SLC44A2: variants seen among roughly 807,000 people sequenced by gnomAD.
The protein encoded by SLC44A2 is choline transporter-like protein 2.
SLC44A2 carries 57 observed loss-of-function variants against 90.8 expected under a neutral mutation model. The ratio of observed to expected loss-of-function variants is 0.63; its 90% confidence interval spans 0.51 to 0.78. The LOEUF (loss-of-function observed/expected upper bound fraction) is 0.78, where lower values mean the gene tolerates loss of function less well. SLC44A2 is among the 30% of genes least tolerant of loss of function. SLC44A2 has a pLI of 0.00. For synonymous variants in SLC44A2, 355 were observed against 360.7 expected (o/e 0.98, Z 0.18); for missense variants, 794 against 919.7 (o/e 0.86, Z 1.77).
At position 10,631,157 on chromosome 19, in the gene SLC44A2, C is replaced by A; in HGVS notation, c.330+16C>A. ...CACTCCCCAGGTAACCTGGTCCCCA[C>A]CGTTCCCTTTTTCCTCTCCCCGCTT... On this transcript the variant is annotated intron_variant, in intron 5 of 21. Transcript: ENST00000335757. 6.2e-7 allele frequency: 1 copy of A among 1,612,066 alleles called. No individual in the cohort carries two copies. Among genetic ancestry groups the A allele is most frequent in the Middle Eastern group, 1.7e-4 (1 of 6,056 alleles).
intron 4 of SLC44A2, among the ~76,000 whole-genome samples, chr19:10,628,812 A>C (rs1276055173): frequency 6.6e-6 from 1 of 152,120 alleles, no homozygotes; most frequent in Non-Finnish European, 1.5e-5. Flanking sequence ...CAGGTGTCTC[A>C]ATCTCTCTGA....
intron 1 of SLC44A2, among the ~76,000 whole-genome samples, chr19:10,615,519 A>G (rs1177394288): frequency 6.6e-6 from 1 of 151,752 alleles, no homozygotes. Context: ...AGTTGCCGTG[A>G]GCCGAGATCA....
chr19:10,612,393 G>A (rs1324151221), intron 1 of SLC44A2, among the ~76,000 whole-genome samples: 1 of 152,034 alleles, frequency 6.6e-6, no homozygotes, highest in Non-Finnish European at 1.5e-5. Flanking sequence ...ATAAAAAAAG[G>A]TTAAATGTTT....
intron 20 of SLC44A2, among the ~76,000 whole-genome samples, chr19:10,639,135 T>C (rs1429346302): frequency 6.6e-6 from 1 of 152,132 alleles, no homozygotes; most frequent in Non-Finnish European, 1.5e-5. Context: ...GGTTTCACCG[T>C]GTTGGCTGGG....
chr19:10,635,652 G>T (rs572681768), intron 14 of SLC44A2, 137 bp downstream of exon 14: 2 of 743,228 alleles, frequency 2.7e-6, no homozygotes, highest in South Asian at 3.6e-5. Context: ...GGGGGAGGAC[G>T]CACAGTGGGG....
chr19:10,638,358 GT>G, intron 20 of SLC44A2, 43 bp downstream of exon 20: 1 of 1,575,378 alleles, frequency 6.3e-7, no homozygotes, highest in Non-Finnish European at 8.7e-7. Context: ...GAAGAAAGAG[GT>G]GTTGGGATTT....
intron 1 of SLC44A2, among the ~76,000 whole-genome samples, chr19:10,605,295 A>T (rs1251984873): frequency 6.6e-6 from 1 of 151,944 alleles, no homozygotes; most frequent in Non-Finnish European, 1.5e-5. Context: ...CAGGTGGATC[A>T]CCTGAGGTCG....
intron 1 of SLC44A2, chr19:10,602,628 G>A (rs1441588548): frequency 4.9e-6 from 6 of 1,224,210 alleles, no homozygotes; most frequent in Non-Finnish European, 6.2e-6. Context: ...TGAGCCAGGG[G>A]GACATCTGAG....
At chr19:10,622,426 G>A (rs1263490748), upstream of SLC44A2, among the ~76,000 whole-genome samples, 2 of 152,122 alleles carry the variant, frequency 1.3e-5, no homozygotes, top group Non-Finnish European at 2.9e-5. Context: ...AGGATAGAAA[G>A]TGTCTGTGTT....
At chr19:10,638,922 C>T (rs1286229897) in intron 20 of SLC44A2, among the ~76,000 whole-genome samples, 1 of 152,126 alleles carries the variant, frequency 6.6e-6, no homozygotes, top group African/African-American at 2.4e-5. Context: ...GCCTCAGCCT[C>T]CCGAGTAGCT....
In SLC44A2 at chr19:10,636,386, G is replaced by A. The variant is rs746736096; in HGVS notation, c.1297G>A (p.Gly433Ser). ...PNARCQFAFY[G>S]GESGYHRALL... ...TGCCCGTTGCCAGTTCGCCTTCTAC[G>A]GTGGTGAGTCGGGCTACCACCGGGC... is the stretch of plus-strand genomic sequence containing the variant. Residue 433 changes from glycine to serine, a missense_variant, in exon 15 of 22, where the codon GGT becomes AGT. This residue lies in a region of SLC44A2 where 738 missense variants were observed against 841.1 expected (regional missense o/e 0.88). Coordinates refer to ENST00000335757, the MANE Select transcript of SLC44A2 (RefSeq NM_020428.4). 6 of 1,613,812 alleles carry A rather than the reference G, an allele frequency of 3.7e-6. No homozygotes were observed. The South Asian group carries it at 5.5e-5, about 15-fold the overall frequency.
chr19:10,643,587 T>C lies in SLC44A2; in HGVS notation c.*202T>C, dbSNP rs940365839. 1.8e-6 allele frequency: 1 copy of C among 546,062 alleles called. No homozygotes were observed. The highest frequency in any genetic ancestry group is 2.6e-5 in the South Asian group (1 of 38,780). 33.8% of individuals were successfully genotyped at this position (546,062 alleles called of 1,614,324 possible). A position where few individuals can be genotyped will look rare whatever the true frequency, so the allele number is the denominator to read the frequency against. On this transcript the variant is annotated 3_prime_UTR_variant, in exon 22 of 22. Coordinates refer to ENST00000335757, the MANE Select transcript of SLC44A2 (RefSeq NM_020428.4). ...TGCCAAGGGGCGCTTGGAGTTTTCA[T>C]GGCTGCCCCTCCAGACTGCGAGAAA...
intron 20 of SLC44A2, 123 bp downstream of exon 20, chr19:10,638,438 C>T (rs897168517): frequency 8.5e-6 from 8 of 942,954 alleles, no homozygotes; most frequent in African/African-American, 8.2e-5. Flanking sequence ...TTTATTCAGA[C>T]CACAAACTTT....
chr19:10,603,896 G>A (rs762746138), intron 1 of SLC44A2, among the ~76,000 whole-genome samples: 20 of 152,202 alleles, frequency 1.3e-4, no homozygotes, highest in Non-Finnish European at 1.9e-4. Context: ...CTGGGACAGG[G>A]ACGAGGGGCA....
chr19:10,605,791 C>T (rs893896034), intron 1 of SLC44A2, among the ~76,000 whole-genome samples: 1 of 151,506 alleles, frequency 6.6e-6, no homozygotes, highest in African/African-American at 2.4e-5. Context: ...GTCAGGAGAT[C>T]GAGGCCAGCC....
chr19:10,637,775 C>G (rs768901137), intron 17 of SLC44A2, 28 bp downstream of exon 17: 2 of 1,613,156 alleles, frequency 1.2e-6, no homozygotes, highest in East Asian at 4.5e-5. Flanking sequence ...CCCCAACCAA[C>G]CCGCCAGCTC....
chr19:10,602,529 C>A, exon 1 of SLC44A2: 2 of 1,277,890 alleles, frequency 1.6e-6, no homozygotes, highest in South Asian at 2.8e-5. Flanking sequence ...CCCGCCGCGG[C>A]CATGGAGGAC....
chr19:10,632,787 C>T (rs1023843974), intron 10 of SLC44A2, among the ~76,000 whole-genome samples: 1 of 151,386 alleles, frequency 6.6e-6, no homozygotes, highest in Non-Finnish European at 1.5e-5. Context: ...ATTCTCCTGC[C>T]TCAGCCTCCC....
At chr19:10,617,560 C>G (rs2066865456) in intron 1 of SLC44A2, among the ~76,000 whole-genome samples, 1 of 152,148 alleles carries the variant, frequency 6.6e-6, no homozygotes, top group East Asian at 1.9e-4. Flanking sequence ...TCAGGCTCCC[C>G]AATCTTTTCC....
Sources: allele counts gnomAD v4.1 joint callset (sites outside exome capture counted in the v4.1 genomes callset), GRCh38; gene constraint gnomAD v4.1.1; regional missense constraint gnomAD v4.1.1; transcripts MANE v1.5; gene names NCBI Gene and HGNC (gene_info 2026-07-23, HGNC 2026-07-21).